C16orf46: variants seen among roughly 807,000 people sequenced by gnomAD.
C16orf46 encodes the protein chromosome 16 open reading frame 46.
C16orf46 carries 7 observed loss-of-function variants against 5.5 expected under a neutral mutation model. That is an observed-to-expected ratio of 1.28 (90% CI 0.73 to 2.40). The LOEUF is 2.40. Ranked by LOEUF, C16orf46 falls within the 30% of genes most tolerant of loss-of-function variation. C16orf46 has a pLI of 0.00. For synonymous variants in C16orf46, 200 were observed against 184.1 expected (o/e 1.09, Z -0.70); for missense variants, 614 against 476.0 (o/e 1.29, Z -2.70).
chr16:81,076,356 T>C (rs559720556), intron 1 of C16orf46: 1 of 152,282 alleles, frequency 6.6e-6, no homozygotes, highest in South Asian at 2.1e-4. Context: ...TTTGTTCATA[T>C]TTCCAAGAGT....
At chr16:81,063,669 T>A (rs368214297) in intron 3 of C16orf46, 77 bp downstream of exon 3, 4 of 1,285,954 alleles carry the variant, frequency 3.1e-6, no homozygotes, top group Non-Finnish European at 4.4e-6. Context: ...ATATTAACTA[T>A]TTTTGGGAAA....
chr16:81,063,576 C>T (rs1971556527), intron 3 of C16orf46, among the ~76,000 whole-genome samples, 170 bp downstream of exon 3: 1 of 152,226 alleles, frequency 6.6e-6, no homozygotes, highest in South Asian at 2.1e-4. Context: ...TAAATACCCA[C>T]AGTAGGTGCT....
chr16:81,071,144 T>C (rs1264200325), intron 1 of C16orf46, among the ~76,000 whole-genome samples: 1 of 152,164 alleles, frequency 6.6e-6, no homozygotes, highest in Non-Finnish European at 1.5e-5. Flanking sequence ...CGTGAGACTC[T>C]GTACAGCCCC....
At chr16:81,059,711 C>T (rs571162421), downstream of C16orf46, among the ~76,000 whole-genome samples, 3 of 152,064 alleles carry the variant, frequency 2.0e-5, no homozygotes, top group East Asian at 5.8e-4. Context: ...TGAGGGTTTC[C>T]AAACATTAGA....
At chr16:81,068,670 G>A (rs549368077) in intron 1 of C16orf46, among the ~76,000 whole-genome samples, 1 of 150,986 alleles carries the variant, frequency 6.6e-6, no homozygotes, top group African/African-American at 2.4e-5. Flanking sequence ...AAAGTGCTGG[G>A]ATTACAGGCA....
chr16:81,058,018 G>T (rs953328110), downstream of C16orf46: 5 of 174,080 alleles, frequency 2.9e-5, no homozygotes, highest in African/African-American at 7.7e-5. Context: ...CAAGAAGAGC[G>T]AAACTCCATC....
rs1567582271 is a variant in C16orf46 at position 81,075,839 on chromosome 16, A to AGGGCAGGGGAATGTTGAC, written c.-128+1296_-128+1297insGTCAACATTCCCCTGCCC. Among the ~76,000 whole-genome samples the AGGGCAGGGGAATGTTGAC allele has an allele frequency of 2.0e-5, 3 of 152,126 alleles. No individual in the cohort carries two copies. The East Asian group carries it at 5.8e-4, about 29-fold the overall frequency. ...TCCATTAAGGGCAGGGGAATGTTGAAGGACCAGGAGAAACCAAGGCCCAGG... is the reference window on the plus strand; with the variant it reads ...TCCATTAAGGGCAGGGGAATGTTGAAGGGCAGGGGAATGTTGACGGACCAGGAGAAACCAAGGCCCAGG... On this transcript the variant is annotated intron_variant, in intron 1 of 3. Coordinates refer to ENST00000299578, the MANE Select transcript of C16orf46 (RefSeq NM_152337.3).
chr16:81,060,234 A>T (rs536356497), downstream of C16orf46, among the ~76,000 whole-genome samples: 2 of 152,242 alleles, frequency 1.3e-5, no homozygotes, highest in South Asian at 4.2e-4. Flanking sequence ...ATATACATGG[A>T]AACAATCTGA....
intron 3 of C16orf46, among the ~76,000 whole-genome samples, chr16:81,062,701 C>T (rs1971528895): frequency 6.6e-6 from 1 of 152,040 alleles, no homozygotes; most frequent in Admixed American, 6.5e-5. Context: ...GATACCTACT[C>T]CCCATACACG....
At chr16:81,071,040 C>A (rs1971832589) in intron 1 of C16orf46, among the ~76,000 whole-genome samples, 1 of 152,108 alleles carries the variant, frequency 6.6e-6, no homozygotes, top group African/African-American at 2.4e-5. Context: ...TCCATGTGTA[C>A]TTCTTTTCAC....
Position 81,064,159 on chromosome 16 carries a change from G to A in C16orf46, c.-38-166C>T, listed in dbSNP as rs144781860. The stretch of plus-strand genomic sequence containing the variant: ...ATTACTTTGAGAGGCCAAGTCAGGC[G>A]GATCACTTGAGGTCAGGAGTTTGTG... On this transcript the variant is annotated intron_variant, in intron 2 of 3. Transcript: ENST00000299578. 2.8e-3 allele frequency among the ~76,000 whole-genome samples: 433 copies of A among 152,144 alleles called. 3 individuals are homozygous for A. The highest frequency in any genetic ancestry group is 9.9e-3 in the African/African-American group (411 of 41,510).
rs147533255 is a variant in C16orf46, at chr16:81,061,397, C to T, written c.952G>A (p.Val318Ile). The T allele has an allele frequency of 7.9e-5, 128 of 1,614,058 alleles. No individual in the cohort carries two copies. Among genetic ancestry groups the T allele is most frequent in the Middle Eastern group, 1.6e-4 (1 of 6,084 alleles). ...AGCTGCAAGGCAGCAAGGTAGCGAA[C>T]GTTGCTGGGGTCTGGAGGGCACGCC... ...NLACPPDPSN[V>I]RYLAALQLLQ... is the part of the protein sequence containing the mutation. Residue 318 changes from valine (V) to isoleucine (I), a missense_variant, in exon 4 of 4, where the codon GTT becomes ATT. Physicochemically the swap from Val to Ile is conservative, Grantham distance 29 (BLOSUM62 3). Coordinates refer to ENST00000299578, the MANE Select transcript of C16orf46 (RefSeq NM_152337.3).
chr16:81,062,168 A>G (rs894553525), intron 3 of C16orf46, 30 bp from the exon 4 acceptor site: 1 of 1,524,040 alleles, frequency 6.6e-7, no homozygotes, highest in African/African-American at 1.4e-5. Flanking sequence ...TTACTCCTCC[A>G]GCTGAGGGGC....
At chr16:81,064,674 G>A (rs1971595489) in intron 2 of C16orf46, among the ~76,000 whole-genome samples, 1 of 151,994 alleles carries the variant, frequency 6.6e-6, no homozygotes, top group South Asian at 2.1e-4. Context: ...TTGAATCCGG[G>A]AGGTGGAGGT....
intron 3 of C16orf46, chr16:81,054,204 G>T: frequency 1.0e-6 from 1 of 968,160 alleles, no homozygotes; most frequent in Non-Finnish European, 1.6e-6. Flanking sequence ...CAACCATGAA[G>T]ACTGCCCTCA....
Position 81,062,069 on chromosome 16 carries a change from C to A in C16orf46, c.280G>T (p.Val94Leu), listed in dbSNP as rs1971501358. Reference protein sequence around the residue: ...WPRKIPKKARVGEGACSDCLV... With the variant: ...WPRKIPKKARLGEGACSDCLV... ...CAGTCGCTGCAGGCACCTTCCCCTA[C>A]CCTCGCCTTTTTTGGTATCTTCCTC... The change falls in exon 4 of 4, where the codon GTA becomes TTA. Residue 94 changes from valine (V) to leucine (L), a missense_variant. By Grantham distance (32) the Val-to-Leu change is conservative. Coordinates refer to ENST00000299578, the MANE Select transcript of C16orf46 (RefSeq NM_152337.3). 1 of 1,611,728 alleles carries A rather than the reference C, an allele frequency of 6.2e-7. No homozygotes were observed. The highest frequency in any genetic ancestry group is 1.7e-5 in the Admixed American group (1 of 59,950).
downstream of C16orf46, among the ~76,000 whole-genome samples, chr16:81,057,411 T>C (rs1971331013): frequency 6.6e-6 from 1 of 151,674 alleles, no homozygotes; most frequent in South Asian, 2.1e-4. Context: ...TAGCTGGGCA[T>C]GGTTGTGCAC....
chr16:81,076,831 C>G (rs1176469008), intron 1 of C16orf46: 1 of 152,438 alleles, frequency 6.6e-6, no homozygotes, highest in Admixed American at 6.6e-5. Context: ...CAGTTCCTAC[C>G]GTGCCACAAA....
At chr16:81,054,487 G>A (rs981351454) in intron 3 of C16orf46, among the ~76,000 whole-genome samples, 1 of 74,974 alleles carries the variant, frequency 1.3e-5, no homozygotes, top group Non-Finnish European at 2.7e-5. Context: ...TTGCAAGCTG[G>A]TATCAATTTT....
Sources: gnomAD v4.1 joint callset for allele counts (sites outside exome capture counted in the v4.1 genomes callset) on GRCh38, gnomAD v4.1.1 for gene constraint, MANE v1.5 for transcripts, NCBI Gene and HGNC (gene_info 2026-07-23, HGNC 2026-07-21) for gene names.